The following LENG8 variants were observed in gnomAD, a reference collection of about 807,000 sequenced individuals.
LENG8 encodes the protein leukocyte receptor cluster member 8.
A neutral mutation model predicts 102.1 loss-of-function variants in LENG8; 28 were observed. That is an observed-to-expected ratio of 0.27 (90% CI 0.20 to 0.38). The LOEUF (loss-of-function observed/expected upper bound fraction) is 0.38. LENG8 is among the 10% of genes least tolerant of loss of function. LENG8 has a pLI of 1.00. For missense variants in LENG8, 1,022 were observed against 1,113.9 expected (o/e 0.92, Z 1.17); for synonymous variants, 531 against 456.7 (o/e 1.16, Z -2.07).
At position 54,452,661 on chromosome 19, in the gene LENG8, A is replaced by G. The variant is rs763227520; in HGVS notation, c.224A>G (p.Gln75Arg). 13 of 1,613,628 alleles carry G rather than the reference A, an allele frequency of 8.1e-6. No homozygotes were observed. Among genetic ancestry groups the G allele is most frequent in the Non-Finnish European group, 1.1e-5 (13 of 1,179,688 alleles). ...GPVASAQYVS[Q>R]AEASALQQQQ... ...CCTCTGCTTCCACAGTACGTGTCCCAGGCAGAAGCCTCAGCTTTGCAGCAG... is the reference window on the plus strand; with the variant it reads ...CCTCTGCTTCCACAGTACGTGTCCCGGGCAGAAGCCTCAGCTTTGCAGCAG... Residue 75 changes from glutamine (Q) to arginine (R), a missense_variant, in exon 4 of 16, where the codon CAG becomes CGG. Gln to Arg is a conservative substitution (Grantham distance 43). Around this residue, in one of 7 missense-constraint regions of LENG8, gnomAD observed 343 missense variants for 320.2 expected, o/e 1.07. Coordinates refer to ENST00000326764, the MANE Select transcript of LENG8 (RefSeq NM_052925.4).
In LENG8 at chr19:54,457,857, C is replaced by CG. The variant is rs1569302628; in HGVS notation, c.1833+10dup. ...TCCGGCAGGATCTGACGGTGAGACT[C>CG]GCGCTGGGAGGGGCCTGGCCTCAGC... is the stretch of plus-strand genomic sequence containing the variant. On this transcript the variant is annotated intron_variant, in intron 12 of 15. Coordinates refer to ENST00000326764, the MANE Select transcript of LENG8 (RefSeq NM_052925.4). 6.2e-7 allele frequency: 1 copy of CG among 1,613,528 alleles called. No individual in the cohort carries two copies. The highest frequency in any genetic ancestry group is 1.3e-5 in the African/African-American group (1 of 75,064).
In LENG8 at chr19:54,462,005, A is replaced by G; in HGVS notation, c.*1077A>G. ...CTTGAGAGAAACCAAAATTAAAGAG[A>G]GAAAGAGAGAGCGTGCACGCTCCTG... On this transcript the variant is annotated 3_prime_UTR_variant, in exon 16 of 16. Coordinates refer to ENST00000326764, the MANE Select transcript of LENG8 (RefSeq NM_052925.4). 7.0e-7 allele frequency: 1 copy of G among 1,434,526 alleles called. No individual in the cohort carries two copies. Among genetic ancestry groups the G allele is most frequent in the Non-Finnish European group, 9.5e-7 (1 of 1,048,276 alleles). 88.9% of individuals were successfully genotyped at this position (1,434,526 alleles called of 1,614,324 possible).
Position 54,456,238 on chromosome 19 carries a change from C to G in LENG8, c.1297C>G (p.Arg433Gly). ...SSSRSPTRHF[R>G]RSDSHSDSDS... The stretch of plus-strand genomic sequence containing the variant: ...CTCCAGGTCCCCGACGCGCCACTTC[C>G]GCAGAAGGTACTGAGGCTCCCGGCT... The change falls in exon 9 of 16, where the codon CGC becomes GGC. Residue 433 changes from arginine (R) to glycine (G), a missense_variant. Arg to Gly is a moderately radical substitution (Grantham distance 125). Transcript: ENST00000326764. The G allele has an allele frequency of 3.1e-6, 5 of 1,613,688 alleles. No homozygotes were observed. Among genetic ancestry groups the G allele is most frequent in the Non-Finnish European group, 4.2e-6 (5 of 1,179,784 alleles).
chr19:54,452,794 T>A (rs2084023537), intron 4 of LENG8, 42 bp downstream of exon 4: 1 of 1,452,488 alleles, frequency 6.9e-7, no homozygotes. Flanking sequence ...CGAGGTGGAG[T>A]CTGCTGGGTC....
Position 54,454,976 on chromosome 19 carries a change from G to A in LENG8, c.705G>A (p.Lys235=). 2 of 1,614,216 alleles carry A rather than the reference G, an allele frequency of 1.2e-6. No individual in the cohort carries two copies. The highest frequency in any genetic ancestry group is 1.7e-6 in the Non-Finnish European group (2 of 1,180,044). The change falls in exon 7 of 16, where the codon AAG becomes AAA. Residue 235 remains lysine (K), a synonymous_variant. Coordinates refer to ENST00000326764, the MANE Select transcript of LENG8 (RefSeq NM_052925.4). ...MKPAPGTGGL[K]FNIQKRPFAV... ...CCGCCCCTGGGACTGGAGGTCTCAA[G>A]TTCAACATCCAGAAGCGACCCTTTG...
At chr19:54,449,665 C>T (rs1188916734) in intron 1 of LENG8, 1 of 152,320 alleles carries the variant, frequency 6.6e-6, no homozygotes. Context: ...GCAGTGGCTC[C>T]GTGGCTAGTC....
Position 54,458,438 on chromosome 19 carries a change from C to G in LENG8, c.2157C>G (p.Cys719Trp). The G allele has an allele frequency of 6.2e-7, 1 of 1,614,278 alleles. No individual in the cohort carries two copies. Among genetic ancestry groups the G allele is most frequent in the Non-Finnish European group, 8.5e-7 (1 of 1,180,050 alleles). Reference sequence around the variant, plus strand: ...ACCACCGCTTTTTCCGGCTCTACTGCCATGCACCCTGCATGTCTGGCTACC... The same window carrying G: ...ACCACCGCTTTTTCCGGCTCTACTGGCATGCACCCTGCATGTCTGGCTACC... ...GNYHRFFRLY[C>W]HAPCMSGYLV... The change falls in exon 15 of 16, where the codon TGC becomes TGG. Residue 719 changes from cysteine (C) to tryptophan (W), a missense_variant. Cys to Trp is a radical substitution (Grantham distance 215, BLOSUM62 -2). This residue lies in a region of LENG8 where 129 missense variants were observed against 123.0 expected (regional missense o/e 1.05). Coordinates refer to ENST00000326764, the MANE Select transcript of LENG8 (RefSeq NM_052925.4).
In LENG8 at chr19:54,461,714, T is replaced by C. The variant is rs542668139; in HGVS notation, c.*786T>C. On this transcript the variant is annotated 3_prime_UTR_variant, in exon 16 of 16. Transcript: ENST00000326764. ...TCCCCTCCCTCCCTGCCTTCATGGA[T>C]CACCAGCTCACGTCATGTTGCCTTC... The C allele has an allele frequency of 1.6e-5, 8 of 495,592 alleles. No homozygotes were observed. The highest frequency in any genetic ancestry group is 1.2e-4 in the African/African-American group (6 of 51,116). The allele number at this position is 495,592 out of a possible 1,614,324, so 30.7% of individuals were successfully genotyped here. A position where few individuals can be genotyped will look rare whatever the true frequency, so the allele number is the denominator to read the frequency against.
chr19:54,457,036 GCTCGGCCAGAGACGC>G, intron 11 of LENG8, 115 bp downstream of exon 11: 1 of 1,203,144 alleles, frequency 8.3e-7, no homozygotes. Context: ...GGCAGGGGAA[GCTCGGCCAGAGACGC>G]CTCGGCTGGT....
At chr19:54,460,175 G>C in intron 15 of LENG8, 1 of 1,289,988 alleles carries the variant, frequency 7.8e-7, no homozygotes, top group Non-Finnish European at 1.0e-6. Flanking sequence ...CCCCTCACTC[G>C]GTGCCTGGGT....
At chr19:54,453,278 G>A (rs2084045955) in intron 4 of LENG8, among the ~76,000 whole-genome samples, 1 of 152,180 alleles carries the variant, frequency 6.6e-6, no homozygotes, top group African/African-American at 2.4e-5. Context: ...TTACAGCATG[G>A]GTTTTCCTTT....
At position 54,452,146 on chromosome 19, in the gene LENG8, C is replaced by T. The variant is rs769292827; in HGVS notation, c.92C>T (p.Thr31Met). Residue 31 changes from threonine to methionine, a missense_variant, in exon 3 of 16, where the codon ACG becomes ATG. Transcript: ENST00000326764. Reference protein sequence around the residue: ...AGAGRENGMETPMHENPEWEK... With the variant: ...AGAGRENGMEMPMHENPEWEK... The stretch of plus-strand genomic sequence containing the variant: ...GCAGGCCGAGAGAATGGCATGGAGA[C>T]GCCGATGCACGAGAACCCGGAGTGG... 15 of 1,614,016 alleles carry T rather than the reference C, an allele frequency of 9.3e-6. No homozygotes were observed. Among genetic ancestry groups the T allele is most frequent in the African/African-American group, 5.3e-5 (4 of 74,910 alleles).
chr19:54,455,136 C>T lies in LENG8; in HGVS notation c.821+44C>T, dbSNP rs758093386. ...CCCCGTCGCAGCCCCACACTCTGCA[C>T]TCAGCGTCTATGGTCCAGTCCCACT... is the stretch of plus-strand genomic sequence containing the variant. On this transcript the variant is annotated intron_variant, in intron 7 of 15. Coordinates refer to ENST00000326764, the MANE Select transcript of LENG8 (RefSeq NM_052925.4). The T allele has an allele frequency of 8.7e-6, 14 of 1,612,156 alleles. No homozygotes were observed. The South Asian group carries it at 1.2e-4, about 14-fold the overall frequency.
In LENG8 at chr19:54,452,087, C is replaced by G; in HGVS notation, c.39-6C>G. The G allele has an allele frequency of 6.2e-7, 1 of 1,606,344 alleles. No homozygotes were observed. The highest frequency in any genetic ancestry group is 1.7e-5 in the Admixed American group (1 of 59,696). On this transcript the variant is annotated splice_polypyrimidine_tract_variant and splice_region_variant and intron_variant, in intron 2 of 15. Transcript: ENST00000326764. ...AGGTGTGACTTGATGTCCTCTCTCT[C>G]TGCAGGTCTTCTCAGTACAGCATGG...
At chr19:54,450,694 C>T (rs2123051099) in intron 1 of LENG8, among the ~76,000 whole-genome samples, 1 of 148,548 alleles carries the variant, frequency 6.7e-6, no homozygotes, top group African/African-American at 2.5e-5. Flanking sequence ...GCAGTCTCAG[C>T]TTACCGCCCT....
chr19:54,450,744 C>T (rs2083925164), intron 1 of LENG8, among the ~76,000 whole-genome samples: 1 of 152,020 alleles, frequency 6.6e-6, no homozygotes, highest in South Asian at 2.1e-4. Context: ...CCTCGGCCTC[C>T]CTAGTAGCTG....
Position 54,452,762 on chromosome 19 carries a change from C to T in LENG8, c.315+10C>T, listed in dbSNP as rs370150392. On this transcript the variant is annotated intron_variant, in intron 4 of 15. Coordinates refer to ENST00000326764, the MANE Select transcript of LENG8 (RefSeq NM_052925.4). ...CTACTACTATCCCATGGTGAGTGCC[C>T]AGCCAGTGGGGCGGGGCAGGGCGAG... 1.9e-6 allele frequency: 3 copies of T among 1,600,084 alleles called. No homozygotes were observed. The highest frequency in any genetic ancestry group is 2.6e-6 in the Non-Finnish European group (3 of 1,167,456).
At chr19:54,450,686 A>G (rs987928162) in intron 1 of LENG8, among the ~76,000 whole-genome samples, 1 of 143,742 alleles carries the variant, frequency 7.0e-6, no homozygotes, top group Admixed American at 7.4e-5. Context: ...GCAATGGCGC[A>G]GTCTCAGCTT....
chr19:54,455,106 C>T lies in LENG8; in HGVS notation c.821+14C>T, dbSNP rs775848332. 4 of 1,614,100 alleles carry T rather than the reference C, an allele frequency of 2.5e-6. No homozygotes were observed. The South Asian group carries it at 3.3e-5, about 13-fold the overall frequency. ...TCAGAACCACAGGTGACGTCTGCCCCCTTGCCCCGTCGCAGCCCCACACTC... is the reference window on the plus strand; with the variant it reads ...TCAGAACCACAGGTGACGTCTGCCCTCTTGCCCCGTCGCAGCCCCACACTC... On this transcript the variant is annotated intron_variant, in intron 7 of 15. Transcript: ENST00000326764.
Sources: allele counts gnomAD v4.1 joint callset (sites outside exome capture counted in the v4.1 genomes callset), GRCh38; gene constraint gnomAD v4.1.1; regional missense constraint gnomAD v4.1.1; transcripts MANE v1.5; gene names NCBI Gene and HGNC (gene_info 2026-07-23, HGNC 2026-07-21).